The following MARCHF3 variants were observed in gnomAD, a reference collection of about 807,000 sequenced individuals.
MARCHF3 encodes the protein E3 ubiquitin-protein ligase MARCHF3.
MARCHF3 carries 13 observed loss-of-function variants against 24.2 expected under a neutral mutation model. The ratio of observed to expected loss-of-function variants is 0.54; its 90% confidence interval spans 0.35 to 0.85. The LOEUF (loss-of-function observed/expected upper bound fraction) is 0.85. Among genes scored for constraint, MARCHF3 ranks in the 40% least tolerant of loss-of-function variants. The probability of loss-of-function intolerance (pLI) is 0.01; values close to 1 mark genes in which losing one functional copy is unlikely to be tolerated. For missense variants in MARCHF3, 276 were observed against 325.0 expected, an observed-to-expected ratio of 0.85 and a Z score of 1.16; for synonymous variants, 144 against 137.3, an observed-to-expected ratio of 1.05 and a Z score of -0.34.
intron 1 of MARCHF3, among the ~76,000 whole-genome samples, chr5:126,973,913 C>T (rs1479589858): frequency 2.9e-5 from 3 of 102,360 alleles, no homozygotes; most frequent in South Asian, 3.4e-4. Context: ...TTTTTTGAGA[C>T]GGAGTCTCGC....
intron 1 of MARCHF3, among the ~76,000 whole-genome samples, chr5:126,957,933 T>C (rs1050214619): frequency 1.3e-5 from 2 of 152,286 alleles, no homozygotes; most frequent in East Asian, 3.9e-4. Flanking sequence ...TCAAATTTTC[T>C]TTTATTTTGC....
chr5:126,897,242 T>C (rs537848558), intron 3 of MARCHF3, among the ~76,000 whole-genome samples: 2 of 151,848 alleles, frequency 1.3e-5, no homozygotes, highest in African/African-American at 4.8e-5. Flanking sequence ...TTTCTCCTTG[T>C]TGGTCAGGCT....
chr5:126,930,972 T>C (rs149298676), intron 1 of MARCHF3, among the ~76,000 whole-genome samples: 2 of 152,334 alleles, frequency 1.3e-5, no homozygotes, highest in East Asian at 3.9e-4. Flanking sequence ...GTCCACATAC[T>C]TTGAGAGGGA....
intron 4 of MARCHF3, among the ~76,000 whole-genome samples, chr5:126,876,841 G>A (rs1437597934): frequency 6.6e-6 from 1 of 152,136 alleles, no homozygotes; most frequent in East Asian, 1.9e-4. Context: ...GTAGAGACAG[G>A]GTTTCGCCAT....
At chr5:126,894,426 C>T (rs1468329794) in intron 3 of MARCHF3, among the ~76,000 whole-genome samples, 19 of 151,262 alleles carry the variant, frequency 1.3e-4, no homozygotes, top group East Asian at 9.7e-4. Flanking sequence ...CGGCTGGTAC[C>T]GGTTGTTCCT....
At chr5:126,916,684 G>GACACACACACACACACACACACAC (rs1409013068) in intron 2 of MARCHF3, among the ~76,000 whole-genome samples, 1 of 93,432 alleles carries the variant, frequency 1.1e-5, no homozygotes, top group African/African-American at 4.7e-5. Context: ...CTGACAGACA[G>GACACACACACACACACACACACAC]ACAGACAGAC....
chr5:126,878,702 C>T lies in MARCHF3; in HGVS notation c.394-308G>A, dbSNP rs142612614. ...CATGTGGAAGGAAGAGAGAATGTTA[C>T]GCTTGGAAGGTGACAGCTGAGGTAG... On this transcript the variant is annotated intron_variant, in intron 3 of 4. Coordinates refer to ENST00000308660, the MANE Select transcript of MARCHF3 (RefSeq NM_178450.5). Among the ~76,000 whole-genome samples the T allele has an allele frequency of 5.3e-3, 806 of 152,304 alleles. 3 individuals carry two copies. The highest frequency in any genetic ancestry group is 9.3e-3 in the Non-Finnish European group (630 of 68,030).
rs1251891026 is a variant in MARCHF3, at chr5:126,870,583, A to C, written c.*50T>G. 1.0e-5 allele frequency: 16 copies of C among 1,589,622 alleles called. No individual in the cohort carries two copies. The highest frequency in any genetic ancestry group is 1.2e-5 in the Non-Finnish European group (14 of 1,160,986). On this transcript the variant is annotated 3_prime_UTR_variant, in exon 5 of 5. Transcript: ENST00000308660. ...CTCAGTGCATGACCCCAGTGCAGAC[A>C]CTTCCAAACCCCAAACAATGAATCA...
At chr5:126,947,509 C>T (rs983805141) in intron 1 of MARCHF3, among the ~76,000 whole-genome samples, 4 of 152,102 alleles carry the variant, frequency 2.6e-5, no homozygotes, top group Admixed American at 2.6e-4. Context: ...TACATTTGTC[C>T]AAAACCTTAG....
chr5:126,908,194 T>C (rs533480842), intron 3 of MARCHF3, among the ~76,000 whole-genome samples: 11 of 152,338 alleles, frequency 7.2e-5, no homozygotes, highest in African/African-American at 2.6e-4. Context: ...AGATCTGCTG[T>C]TAGTCTAATG....
chr5:126,909,628 C>T (rs928001085), intron 3 of MARCHF3, among the ~76,000 whole-genome samples: 1 of 152,224 alleles, frequency 6.6e-6, no homozygotes, highest in African/African-American at 2.4e-5. Flanking sequence ...AAAGGGAACT[C>T]CCTGACCCCT....
In MARCHF3 at chr5:126,992,194, T is replaced by G. The variant is rs2126843990; in HGVS notation, c.-57+38156A>C. ...CTCTAAAAAGTTACCTGCAGACAAA[T>G]CTGTAGCTCGAAACAAAACAAACTT... is the stretch of plus-strand genomic sequence containing the variant. On this transcript the variant is annotated intron_variant, in intron 1 of 4. Coordinates refer to ENST00000308660, the MANE Select transcript of MARCHF3 (RefSeq NM_178450.5). Among the ~76,000 whole-genome samples, 2 of 152,284 alleles carry G rather than the reference T, an allele frequency of 1.3e-5. 1 individual carries two copies. Among genetic ancestry groups the G allele is most frequent in the South Asian group, 4.1e-4 (2 of 4,830 alleles).
At position 127,008,880 on chromosome 5, in the gene MARCHF3, AATTTATTTATTTATTTATTTATTT is replaced by A. The variant is rs11270456; in HGVS notation, c.-57+21446_-57+21469del. On this transcript the variant is annotated intron_variant, in intron 1 of 4. Coordinates refer to ENST00000308660, the MANE Select transcript of MARCHF3 (RefSeq NM_178450.5). ...TTCAGGAGACGTTATCTCTTTAAAA[AATTTATTTATTTATTTATTTATTT>A]ATTTATTTATTTATTTATTTATTTA... Among the ~76,000 whole-genome samples the A allele has an allele frequency of 3.4e-4, 50 of 147,938 alleles. 1 individual carries two copies. The South Asian group carries it at 4.5e-3, about 13-fold the overall frequency.
At chr5:126,927,653 T>C (rs1487171023) in intron 1 of MARCHF3, among the ~76,000 whole-genome samples, 1 of 152,218 alleles carries the variant, frequency 6.6e-6, no homozygotes, top group East Asian at 1.9e-4. Context: ...ACCGGCATGC[T>C]GTCTCCACAA....
chr5:126,889,287 C>G (rs1161500172), intron 3 of MARCHF3, among the ~76,000 whole-genome samples: 1 of 151,980 alleles, frequency 6.6e-6, no homozygotes, highest in Non-Finnish European at 1.5e-5. Context: ...TAAGAGCCCC[C>G]ACTGGAGCAC....
rs1373658354 is a variant in MARCHF3, at chr5:127,019,050, G to A, written c.-57+11300C>T. On this transcript the variant is annotated intron_variant, in intron 1 of 4. Transcript: ENST00000308660. ...GAAATATAGAATTATTAAGAAATAA[G>A]CAAATTATTTTAATCTTTTTCATTC... is the stretch of plus-strand genomic sequence containing the variant. 4.6e-5 allele frequency among the ~76,000 whole-genome samples: 7 copies of A among 152,140 alleles called. No individual in the cohort carries two copies. The South Asian group carries it at 1.2e-3, about 27-fold the overall frequency.
chr5:126,907,390 G>A (rs1458508204), intron 3 of MARCHF3, among the ~76,000 whole-genome samples: 14 of 132,540 alleles, frequency 1.1e-4, no homozygotes, highest in African/African-American at 2.1e-4. Context: ...TTTCTGTCTC[G>A]TTGATCTGTC....
chr5:127,010,476 A>G (rs1017696101), intron 1 of MARCHF3, among the ~76,000 whole-genome samples: 1 of 152,120 alleles, frequency 6.6e-6, no homozygotes, highest in Non-Finnish European at 1.5e-5. Flanking sequence ...AGGGTCGAGA[A>G]CCAGGCCACA....
At chr5:127,018,383 A>C (rs960004190) in intron 1 of MARCHF3, among the ~76,000 whole-genome samples, 1 of 152,056 alleles carries the variant, frequency 6.6e-6, no homozygotes, top group Non-Finnish European at 1.5e-5. Flanking sequence ...AAAATAAATA[A>C]ACAAATAAAT....
Sources: allele counts gnomAD v4.1 joint callset (sites outside exome capture counted in the v4.1 genomes callset), GRCh38; gene constraint gnomAD v4.1.1; transcripts MANE v1.5; gene names NCBI Gene and HGNC (gene_info 2026-07-23, HGNC 2026-07-21).